SOHLH1: variants seen among roughly 807,000 people sequenced by gnomAD.
SOHLH1 encodes spermatogenesis- and oogenesis-specific basic helix-loop-helix-containing protein 1.
SOHLH1 carries 23 observed loss-of-function variants against 36.2 expected under a neutral mutation model. The observed-to-expected ratio is 0.64, with a 90% confidence interval of 0.46 to 0.90. The LOEUF (loss-of-function observed/expected upper bound fraction) is 0.90. Ranked by LOEUF, SOHLH1 falls within the 40% of genes least tolerant of loss-of-function variation. The pLI is 0.00. For missense variants in SOHLH1, 608 were observed against 517.0 expected (o/e 1.18, Z -1.71); for synonymous variants, 289 against 228.3 (o/e 1.27, Z -2.40).
chr9:135,698,761 G>C (rs547056842), intron 2 of SOHLH1, among the ~76,000 whole-genome samples: 1 of 152,256 alleles, frequency 6.6e-6, no homozygotes, highest in Non-Finnish European at 1.5e-5. Flanking sequence ...CAGAAGCACA[G>C]AGGGTCACAG....
Position 135,693,586 on chromosome 9 carries a change from C to T in SOHLH1, c.*11G>A, listed in dbSNP as rs1464870667. Reference sequence around the variant, plus strand: ...ACCGGCCCCGCCCGCCTCCTCTCCACAGCCTGGCTGCTAGCAGGCAAAGAA... The same window carrying T: ...ACCGGCCCCGCCCGCCTCCTCTCCATAGCCTGGCTGCTAGCAGGCAAAGAA... On this transcript the variant is annotated 3_prime_UTR_variant, in exon 8 of 8. Coordinates refer to ENST00000425225, the MANE Select transcript of SOHLH1 (RefSeq NM_001101677.2). 2.6e-6 allele frequency: 4 copies of T among 1,555,916 alleles called. No individual in the cohort carries two copies. Among genetic ancestry groups the T allele is most frequent in the Admixed American group, 1.9e-5 (1 of 52,824 alleles).
At position 135,698,437 on chromosome 9, in the gene SOHLH1, C is replaced by T; in HGVS notation, c.237G>A (p.Leu79=). Residue 79 remains leucine (L), a synonymous_variant, in exon 3 of 8, where the codon CTG becomes CTA. Transcript: ENST00000425225. ...MSLSCERLRA[L]LPQFDGRRED... ...CCCGCCGGCCATCGAACTGGGGCAG[C>T]AGGGCCCGCAGACGCTCACAGCTCA... 1 of 1,613,212 alleles carries T rather than the reference C, an allele frequency of 6.2e-7. No individual in the cohort carries two copies. The highest frequency in any genetic ancestry group is 1.7e-5 in the Admixed American group (1 of 60,034).
rs768412451 is a variant in SOHLH1 at position 135,693,681 on chromosome 9, C to T, written c.1080G>A (p.Glu360=). 25 of 1,581,272 alleles carry T rather than the reference C, an allele frequency of 1.6e-5. No individual in the cohort carries two copies. The South Asian group carries it at 2.6e-4, about 16-fold the overall frequency. Reference sequence around the variant, plus strand: ...CACAGTCCACATCCAGGCCCCACGGCTCCAGAGGGCTGTCCTGGAGCTCCT... The same window carrying T: ...CACAGTCCACATCCAGGCCCCACGGTTCCAGAGGGCTGTCCTGGAGCTCCT... ...GSQELQDSPL[E]PWGLDVDCAG... is the part of the protein sequence containing the mutation. Residue 360 remains glutamate, a synonymous_variant, in exon 8 of 8, where the codon GAG becomes GAA. Transcript: ENST00000425225.
chr9:135,699,605 C>A (rs1217268812), upstream of SOHLH1: 2 of 905,034 alleles, frequency 2.2e-6, no homozygotes, highest in South Asian at 1.4e-5. Flanking sequence ...GCCCCCATAG[C>A]GCATGCGCTC....
In SOHLH1 at chr9:135,698,329, A is replaced by G. The variant is rs1462093236; in HGVS notation, c.345T>C (p.Ala115=). 3.1e-6 allele frequency: 5 copies of G among 1,612,950 alleles called. No individual in the cohort carries two copies. In the East Asian group the frequency reaches 6.7e-5, roughly 22 times the overall value. ...SALGPSQEQH[A]ILASSKEMWH... is the part of the protein sequence containing the mutation. ...GACGGCGTCTACCCTTACAACTCAC[A>G]GCGTGCTGCTCCTGACTGGGCCCCA... Residue 115 remains alanine, a splice_region_variant and synonymous_variant, in exon 3 of 8, where the codon GCT becomes GCC. Coordinates refer to ENST00000425225, the MANE Select transcript of SOHLH1 (RefSeq NM_001101677.2).
intron 2 of SOHLH1, among the ~76,000 whole-genome samples, chr9:135,698,743 G>C (rs928406454): frequency 6.6e-6 from 1 of 152,228 alleles, no homozygotes; most frequent in Non-Finnish European, 1.5e-5. Context: ...GCGAGGGTCA[G>C]AGGCAGTCAG....
chr9:135,697,434 T>C, intron 4 of SOHLH1, 72 bp downstream of exon 4: 1 of 1,577,050 alleles, frequency 6.3e-7, no homozygotes, highest in Non-Finnish European at 8.6e-7. Flanking sequence ...CCCGAGGACA[T>C]GCCAGGGGGC....
In SOHLH1 at chr9:135,698,319, T is replaced by A. The variant is rs375164277; in HGVS notation, c.345+10A>T. ...CCGGAGGACTGACGGCGTCTACCCTTACAACTCACAGCGTGCTGCTCCTGA... is the reference window on the plus strand; with the variant it reads ...CCGGAGGACTGACGGCGTCTACCCTAACAACTCACAGCGTGCTGCTCCTGA... On this transcript the variant is annotated intron_variant, in intron 3 of 7. Coordinates refer to ENST00000425225, the MANE Select transcript of SOHLH1 (RefSeq NM_001101677.2). 19 of 1,612,796 alleles carry A rather than the reference T, an allele frequency of 1.2e-5. No homozygotes were observed. In the African/African-American group the frequency reaches 2.1e-4, roughly 18 times the overall value.
In SOHLH1 at chr9:135,695,163, G is replaced by A. The variant is rs140624736; in HGVS notation, c.762C>T (p.Pro254=). The change falls in exon 6 of 8, where the codon CCC becomes CCT. Residue 254 remains proline (P), a synonymous_variant. Coordinates refer to ENST00000425225, the MANE Select transcript of SOHLH1 (RefSeq NM_001101677.2). ...AGCCAAGGGCCTCCCCGCTCATCACGGGCAAGGTCTGCTGCTGCGAGAACG... is the reference window on the plus strand; with the variant it reads ...AGCCAAGGGCCTCCCCGCTCATCACAGGCAAGGTCTGCTGCTGCGAGAACG... ...WPPFSQQQTL[P]VMSGEALGWL... is the part of the protein sequence containing the mutation. The A allele has an allele frequency of 3.1e-5, 49 of 1,603,144 alleles. No homozygotes were observed. The African/African-American group carries it at 3.2e-4, about 10-fold the overall frequency.
At chr9:135,697,416 C>T in intron 4 of SOHLH1, 90 bp downstream of exon 4, 1 of 1,557,414 alleles carries the variant, frequency 6.4e-7, no homozygotes, top group Non-Finnish European at 8.7e-7. Flanking sequence ...GCCTCCAGGC[C>T]ACACCCTCCC....
chr9:135,700,923 A>T (rs1393068841), upstream of SOHLH1, among the ~76,000 whole-genome samples: 1 of 152,118 alleles, frequency 6.6e-6, no homozygotes, highest in Non-Finnish European at 1.5e-5. Flanking sequence ...AAGCCCTCGG[A>T]ATGTCATCAA....
chr9:135,696,822 G>A lies in SOHLH1; in HGVS notation c.468-17C>T, dbSNP rs545247335. ...TCTGGGGTTCTAGAAGGAGCAACAT[G>A]ACAAGGATCCTGGGTCTATTCCCCA... On this transcript the variant is annotated splice_polypyrimidine_tract_variant and intron_variant, in intron 4 of 7. Coordinates refer to ENST00000425225, the MANE Select transcript of SOHLH1 (RefSeq NM_001101677.2). 4 of 1,612,618 alleles carry A rather than the reference G, an allele frequency of 2.5e-6. No individual in the cohort carries two copies. The South Asian group carries it at 3.3e-5, about 13-fold the overall frequency.
At position 135,699,021 on chromosome 9, in the gene SOHLH1, C is replaced by T; in HGVS notation, c.171G>A (p.Arg57=). 2 of 1,611,644 alleles carry T rather than the reference C, an allele frequency of 1.2e-6. No homozygotes were observed. Among genetic ancestry groups the T allele is most frequent in the East Asian group, 2.2e-5 (1 of 44,866 alleles). ...VAEGPSSCLR[R]NVISERERRK... ...TGCGCTCCCTCTCGCTGATCACGTT[C>T]CGCCGAAGGCAGGAGCTGGGACCCT... Residue 57 remains arginine (R), a synonymous_variant, in exon 2 of 8, where the codon CGG becomes CGA. Transcript: ENST00000425225.
intron 2 of SOHLH1, 141 bp from the exon 3 acceptor site, chr9:135,698,617 G>A: frequency 8.0e-7 from 1 of 1,253,940 alleles, no homozygotes. Context: ...CTGCCCCCGT[G>A]GTCTGAAGCC....
chr9:135,698,550 C>A, intron 2 of SOHLH1, 74 bp from the exon 3 acceptor site: 1 of 1,605,020 alleles, frequency 6.2e-7, no homozygotes, highest in Non-Finnish European at 8.5e-7. Context: ...CTGCTAGAAC[C>A]TGCCAGATAG....
upstream of SOHLH1, among the ~76,000 whole-genome samples, chr9:135,700,144 T>C (rs1231431422): frequency 2.0e-5 from 3 of 152,042 alleles, no homozygotes. Context: ...CGTCTGTCCC[T>C]TCACCTGGCC....
intron 2 of SOHLH1, 61 bp from the exon 3 acceptor site, chr9:135,698,537 C>A: frequency 6.2e-7 from 1 of 1,610,330 alleles, no homozygotes. Context: ...GAAGGGACAG[C>A]AACTGCTAGA....
At chr9:135,699,496 C>A (rs745716133), upstream of SOHLH1, 4 of 1,605,942 alleles carry the variant, frequency 2.5e-6, no homozygotes, top group Admixed American at 6.8e-5. Context: ...CGACCCCACG[C>A]GCACGGCCCC....
rs771890419 is a variant in SOHLH1 at position 135,693,800 on chromosome 9, G to A, written c.961C>T (p.Arg321Ter). The A allele has an allele frequency of 1.6e-5, 25 of 1,573,176 alleles. No homozygotes were observed. Among genetic ancestry groups the A allele is most frequent in the African/African-American group, 2.7e-5 (2 of 73,838 alleles). Residue 321 changes from arginine (R) to a stop codon, truncating the protein, a stop_gained, in exon 8 of 8, where the codon CGA becomes TGA. Coordinates refer to ENST00000425225, the MANE Select transcript of SOHLH1 (RefSeq NM_001101677.2). LOFTEE classifies it low-confidence loss of function (END_TRUNC). ...GCCCATGCAGGGCCACTGCCTCCTC[G>A]ACCCTCCAGAGACCCTGGAAGCAAA... Reference protein sequence around the residue: ...PSSWPGSLEGRGGSGPAWAPA... With the variant: ...PSSWPGSLEG
Sources: allele counts gnomAD v4.1 joint callset (sites outside exome capture counted in the v4.1 genomes callset), GRCh38; gene constraint gnomAD v4.1.1; transcripts MANE v1.5; gene names NCBI Gene and HGNC (gene_info 2026-07-23, HGNC 2026-07-21).